CHRD: variants seen among roughly 807,000 people sequenced by gnomAD.
CHRD encodes the protein chordin.
In CHRD, 69 loss-of-function variants were observed where a neutral mutation model predicts 113.7. The observed-to-expected ratio is 0.61, with a 90% CI of 0.50 to 0.74. The LOEUF is 0.74. Among genes scored for constraint, CHRD ranks in the 30% least tolerant of loss-of-function variants. The pLI is 0.00. For missense variants in CHRD, 1,194 were observed against 1,295.8 expected (o/e 0.92, Z 1.21); for synonymous variants, 561 against 540.8 (o/e 1.04, Z -0.52).
Position 184,386,544 on chromosome 3 carries a change from G to C in CHRD, c.1985G>C (p.Gly662Ala), listed in dbSNP as rs1310946023. ...GGCGGACTGCGCCTGGAGGCGGCCG[G>C]GGCCGAGGGGGTGCGGGCGCTGGGG... The change falls in exon 16 of 23, where the codon GGG (glycine) becomes GCG (alanine). Residue 662 changes from glycine (G) to alanine (A), a missense_variant. By Grantham distance (60) the Gly-to-Ala change is moderately conservative. Coordinates refer to ENST00000204604, the Ensembl canonical transcript of CHRD. 5.2e-6 allele frequency: 8 copies of C among 1,535,584 alleles called. No homozygotes were observed. The highest frequency in any genetic ancestry group is 7.0e-6 in the Non-Finnish European group (8 of 1,148,776).
In CHRD at chr3:184,384,086, T is replaced by A. The variant is rs1304656888; in HGVS notation, c.1440+444T>A. Among the ~76,000 whole-genome samples the A allele has an allele frequency of 6.6e-6, 1 of 152,026 alleles. No homozygotes were observed. The highest frequency in any genetic ancestry group is 1.5e-5 in the Non-Finnish European group (1 of 67,978). ...CACCGTGCCCGGCATGATTTGACAT[T>A]TTTAGTGAGCCCCAGACTAGGGACT... On this transcript the variant is annotated intron_variant, in intron 12 of 22. Coordinates refer to ENST00000204604, the Ensembl canonical transcript of CHRD. This position sits in a 1 kb window ranked among gnomAD's most constrained non-coding sequence, Gnocchi z 4.4.
In CHRD at chr3:184,381,072, C is replaced by A; in HGVS notation, c.253-163C>A. The A allele has an allele frequency of 1.2e-6, 1 of 839,746 alleles. No homozygotes were observed. Among genetic ancestry groups the A allele is most frequent in the Non-Finnish European group, 2.0e-6 (1 of 500,954 alleles). The allele number at this position is 839,746 out of a possible 1,614,324, so 52.0% of individuals were successfully genotyped here. ...TAGAGAGTATTATTATCCCCATTTT[C>A]CAGACAGGGACCTTGAGGCCCAGAG... is the stretch of plus-strand genomic sequence containing the variant. On this transcript the variant is annotated intron_variant, in intron 2 of 22. Transcript: ENST00000204604. This position sits in a 1 kb window ranked among gnomAD's most constrained non-coding sequence, Gnocchi z 4.7.
At chr3:184,385,908 C>A (rs1230421253) in intron 14 of CHRD, 138 bp from the exon 15 acceptor site, 1 of 851,486 alleles carries the variant, frequency 1.2e-6, no homozygotes, top group Non-Finnish European at 1.9e-6. Flanking sequence ...CCAAGCTCCA[C>A]ACTATTGCCA....
At position 184,381,679 on chromosome 3, in the gene CHRD, G is replaced by A; in HGVS notation, c.512-37G>A. Reference sequence around the variant, plus strand: ...GTTGAGGCTGGGCCACCAAAGCGGCGTTTGACAGTGCTCAGGCCATCTTCC... The same window carrying A: ...GTTGAGGCTGGGCCACCAAAGCGGCATTTGACAGTGCTCAGGCCATCTTCC... On this transcript the variant is annotated intron_variant, in intron 4 of 22. Coordinates refer to ENST00000204604, the Ensembl canonical transcript of CHRD. This position sits in a 1 kb window ranked among gnomAD's most constrained non-coding sequence, Gnocchi z 4.7. 1.9e-6 allele frequency: 3 copies of A among 1,608,704 alleles called. No homozygotes were observed. The highest frequency in any genetic ancestry group is 1.1e-5 in the South Asian group (1 of 90,502).
chr3:184,389,746 C>G (rs549913926), exon 23 of CHRD: 35 of 288,652 alleles, frequency 1.2e-4, no homozygotes, highest in African/African-American at 7.0e-4. Flanking sequence ...CAAGGGCCCC[C>G]GACACTCCAC....
rs1297577062 is a variant in CHRD, at chr3:184,386,481, T to C, written c.1933-11T>C. ...AGCCCCAGCGCTGCCTCAGTTGGCCTCTCCTCCCAGGTGCACATAGCCAAC... is the reference window on the plus strand; with the variant it reads ...AGCCCCAGCGCTGCCTCAGTTGGCCCCTCCTCCCAGGTGCACATAGCCAAC... On this transcript the variant is annotated splice_polypyrimidine_tract_variant and intron_variant, in intron 15 of 22. Transcript: ENST00000204604. 6.5e-7 allele frequency: 1 copy of C among 1,537,122 alleles called. No homozygotes were observed. The highest frequency in any genetic ancestry group is 8.7e-7 in the Non-Finnish European group (1 of 1,145,514).
chr3:184,387,489 CA>C lies in CHRD; in HGVS notation c.2451+14del. 1 of 1,593,840 alleles carries C rather than the reference CA, an allele frequency of 6.3e-7. No individual in the cohort carries two copies. Among genetic ancestry groups the C allele is most frequent in the Non-Finnish European group, 8.5e-7 (1 of 1,170,646 alleles). ...TCTGCACCTGCAAGGTATGGCCACC[CA>C]ATCTTCTCTGGTGCCATAACCCAGC... On this transcript the variant is annotated intron_variant, in intron 19 of 22. Transcript: ENST00000204604. This position sits in a 1 kb window ranked among gnomAD's most constrained non-coding sequence, Gnocchi z 6.1.
exon 12 of CHRD, chr3:184,383,639 C>T: frequency 6.2e-7 from 1 of 1,606,412 alleles, no homozygotes; most frequent in Non-Finnish European, 8.5e-7. Flanking sequence ...CAGGAGGACA[C>T]ACGGTGAGGG....
At position 184,381,860 on chromosome 3, in the gene CHRD, G is replaced by C; in HGVS notation, c.611+45G>C. On this transcript the variant is annotated intron_variant, in intron 5 of 22. Transcript: ENST00000204604. The surrounding 1 kb of genome is among the most constrained non-coding windows in gnomAD (Gnocchi z 4.7). ...AAGGAGGGGTCAGCTGCCGGGGCCC[G>C]GGAGGGAAACTGGGAGAGCTGGGAG... The C allele has an allele frequency of 6.2e-7, 1 of 1,610,840 alleles. No homozygotes were observed. The highest frequency in any genetic ancestry group is 8.5e-7 in the Non-Finnish European group (1 of 1,178,366).
chr3:184,387,813 G>A lies in CHRD; in HGVS notation c.2452-118G>A, dbSNP rs1334442076. On this transcript the variant is annotated intron_variant, in intron 19 of 22. Coordinates refer to ENST00000204604, the Ensembl canonical transcript of CHRD. The surrounding 1 kb of genome is among the most constrained non-coding windows in gnomAD (Gnocchi z 6.1). ...GAGTTTAGGTCTATAAAGCCAGTCC[G>A]GGCCTCTGAGTAAAAGGCCACAGAG... The A allele has an allele frequency of 1.3e-5, 12 of 914,522 alleles. No homozygotes were observed. Among genetic ancestry groups the A allele is most frequent in the East Asian group, 2.6e-5 (1 of 37,812 alleles). The allele number at this position is 914,522 out of a possible 1,614,324, so 56.7% of individuals were successfully genotyped here.
chr3:184,386,002 C>T (rs774486608), intron 14 of CHRD, 44 bp from the exon 15 acceptor site: 136 of 1,593,350 alleles, frequency 8.5e-5, no homozygotes, highest in Non-Finnish European at 1.2e-4. Flanking sequence ...GTAGGCTCAG[C>T]CCTAAAGTGC....
Position 184,381,647 on chromosome 3 carries a change from G to T in CHRD, c.511+23G>T. The T allele has an allele frequency of 6.2e-7, 1 of 1,605,116 alleles. No individual in the cohort carries two copies. The highest frequency in any genetic ancestry group is 8.5e-7 in the Non-Finnish European group (1 of 1,175,236). ...CGGGTAGGGGGCTGGCGAACAGCGG[G>T]GTTGTGGTTGAGGCTGGGCCACCAA... is the stretch of plus-strand genomic sequence containing the variant. On this transcript the variant is annotated intron_variant, in intron 4 of 22. Transcript: ENST00000204604. The surrounding 1 kb of genome is among the most constrained non-coding windows in gnomAD (Gnocchi z 4.7).
exon 16 of CHRD, chr3:184,386,593 G>A (rs777168215): frequency 3.8e-5 from 60 of 1,597,172 alleles, no homozygotes; most frequent in Non-Finnish European, 4.7e-5. Flanking sequence ...CCTCTGCTGC[G>A]CCGCCTGTGG....
exon 16 of CHRD, chr3:184,386,531 C>A (rs1417593952): frequency 6.5e-7 from 1 of 1,536,282 alleles, no homozygotes; most frequent in Non-Finnish European, 8.7e-7. Context: ...CGGACTGCGC[C>A]TGGAGGCGGC....
At position 184,388,483 on chromosome 3, in the gene CHRD, C is replaced by A; in HGVS notation, c.2555-104C>A. ...CCCACCCACCCATCCAAATTTATCA[C>A]CTACTAAGTGCCAGAAACTGCAACG... is the stretch of plus-strand genomic sequence containing the variant. On this transcript the variant is annotated intron_variant, in intron 20 of 22. Transcript: ENST00000204604. This position sits in a 1 kb window ranked among gnomAD's most constrained non-coding sequence, Gnocchi z 6.1. The A allele has an allele frequency of 7.5e-7, 1 of 1,326,256 alleles. No individual in the cohort carries two copies. Among genetic ancestry groups the A allele is most frequent in the Non-Finnish European group, 1.0e-6 (1 of 972,228 alleles). 82.2% of individuals were successfully genotyped at this position (1,326,256 alleles called of 1,614,324 possible).
At position 184,388,422 on chromosome 3, in the gene CHRD, TC is replaced by T. The variant is rs1716712384; in HGVS notation, c.2555-163del. ...ATCCATCCATCCATCCATCCATCCA[TC>T]CATCCATCCGTCCCTTCATCCATCC... On this transcript the variant is annotated intron_variant, in intron 20 of 22. Coordinates refer to ENST00000204604, the Ensembl canonical transcript of CHRD. The surrounding 1 kb of genome is among the most constrained non-coding windows in gnomAD (Gnocchi z 6.1). 6.6e-6 allele frequency among the ~76,000 whole-genome samples: 1 copy of T among 151,836 alleles called. No homozygotes were observed. Among genetic ancestry groups the T allele is most frequent in the African/African-American group, 2.4e-5 (1 of 41,322 alleles).
In CHRD at chr3:184,382,287, G is replaced by C. The variant is rs1365080261; in HGVS notation, c.700-102G>C. The C allele has an allele frequency of 1.9e-6, 3 of 1,559,696 alleles. No homozygotes were observed. The East Asian group carries it at 6.8e-5, about 35-fold the overall frequency. On this transcript the variant is annotated intron_variant, in intron 6 of 22. Coordinates refer to ENST00000204604, the Ensembl canonical transcript of CHRD. The stretch of plus-strand genomic sequence containing the variant: ...TTAAGCTTCCTAGGGCACCCTGGAG[G>C]TTCCTTTCCATGTTCCTTTTTCATA...
chr3:184,382,100 C>T lies in CHRD; in HGVS notation c.699+80C>T. ...ATGCTCTGCATTGCCTCCCGTGGTC[C>T]TCACCACAGCCCAGTGGGAGGAAGG... is the stretch of plus-strand genomic sequence containing the variant. On this transcript the variant is annotated intron_variant, in intron 6 of 22. Transcript: ENST00000204604. 3.2e-6 allele frequency: 5 copies of T among 1,560,594 alleles called. 1 individual carries two copies. In the Middle Eastern group the frequency reaches 8.8e-4, roughly 275 times the overall value.
rs1180289633 is a variant in CHRD, at chr3:184,388,701, C to T, written c.2669C>T (p.Pro890Leu). 1 of 1,614,022 alleles carries T rather than the reference C, an allele frequency of 6.2e-7. No individual in the cohort carries two copies. The highest frequency in any genetic ancestry group is 2.2e-5 in the East Asian group (1 of 44,876). ...AGTCAGAGCTGGCACCCCTCAGTGC[C>T]CCCTTTTGGAGAGATGAGCTGTATC... Residue 890 changes from proline to leucine, a missense_variant, in exon 21 of 23, where the codon CCC (proline) becomes CTC (leucine). Coordinates refer to ENST00000204604, the Ensembl canonical transcript of CHRD. The surrounding 1 kb of genome is among the most constrained non-coding windows in gnomAD (Gnocchi z 6.1).
Sources: gnomAD v4.1 joint callset for allele counts (sites outside exome capture counted in the v4.1 genomes callset) on GRCh38, gnomAD v4.1.1 for gene constraint, Gnocchi (gnomAD v3.1) non-coding constraint, MANE v1.5 for transcripts, NCBI Gene and HGNC (gene_info 2026-07-23, HGNC 2026-07-21) for gene names.